HBP1: variants seen among roughly 807,000 people sequenced by gnomAD.
The protein encoded by HBP1 is HMG-box transcription factor 1, also known as HMG box-containing protein 1.
Under a neutral mutation model 62.6 loss-of-function variants are expected in HBP1, and 20 were observed. The ratio of observed to expected loss-of-function variants is 0.32; its 90% CI spans 0.22 to 0.46. The LOEUF (loss-of-function observed/expected upper bound fraction) is 0.46. Ranked by LOEUF, HBP1 falls within the 20% of genes least tolerant of loss-of-function variation. The pLI, the probability that HBP1 is intolerant of heterozygous loss-of-function variation, is 1.00. For synonymous variants in HBP1, 232 were observed against 206.2 expected (o/e 1.12, Z -1.07); for missense variants, 480 against 611.8 (o/e 0.78, Z 2.27).
In HBP1 at chr7:107,201,732, G is replaced by GA; in HGVS notation, c.*304dup. On this transcript the variant is annotated 3_prime_UTR_variant, in exon 11 of 11. Coordinates refer to ENST00000222574, the MANE Select transcript of HBP1 (RefSeq NM_012257.4). ...TATCCTGTGGTGCTAAAGTACAGTA[G>GA]AAAGAGAGGAGAAGTGTATACATGT... The GA allele has an allele frequency of 3.2e-6, 1 of 310,100 alleles. No homozygotes were observed. Among genetic ancestry groups the GA allele is most frequent in the South Asian group, 9.8e-5 (1 of 10,186 alleles). The allele number at this position is 310,100 out of a possible 1,614,324, so 19.2% of individuals were successfully genotyped here. A position where few individuals can be genotyped will look rare whatever the true frequency, so the allele number is the denominator to read the frequency against.
Position 107,195,813 on chromosome 7 carries a change from TTA to T in HBP1, c.1068-19_1068-18del, listed in dbSNP as rs774082598. The T allele has an allele frequency of 9.8e-6, 11 of 1,118,910 alleles. No homozygotes were observed. In the African/African-American group the frequency reaches 1.3e-4, roughly 13 times the overall value. 69.3% of individuals were successfully genotyped at this position (1,118,910 alleles called of 1,614,324 possible). On this transcript the variant is annotated intron_variant, in intron 8 of 10. Coordinates refer to ENST00000222574, the MANE Select transcript of HBP1 (RefSeq NM_012257.4). ...AATTCAAAATTGAATTAAAATATTA[TTA>T]TTTTTTTTAATTTTATAGCTATGAC... is the stretch of plus-strand genomic sequence containing the variant.
intron 6 of HBP1, among the ~76,000 whole-genome samples, chr7:107,187,247 G>A (rs542370931): frequency 1.2e-3 from 176 of 148,678 alleles, no homozygotes; most frequent in Non-Finnish European, 1.7e-3. Context: ...GTGAGACTCT[G>A]TCTCAAAAAA....
At chr7:107,199,370 C>A (rs886169840) in intron 9 of HBP1, among the ~76,000 whole-genome samples, 1 of 152,202 alleles carries the variant, frequency 6.6e-6, no homozygotes, top group African/African-American at 2.4e-5. Context: ...GCATGAGTCA[C>A]AACGTCCAGC....
At chr7:107,172,322 A>G (rs1328032182) in intron 1 of HBP1, among the ~76,000 whole-genome samples, 2 of 152,206 alleles carry the variant, frequency 1.3e-5, no homozygotes, top group Non-Finnish European at 2.9e-5. Flanking sequence ...CTGATAAATT[A>G]TAGAATGAAG....
chr7:107,169,619 G>T (rs949888222), intron 1 of HBP1: 17 of 412,722 alleles, frequency 4.1e-5, no homozygotes, highest in Non-Finnish European at 4.9e-5. Flanking sequence ...GGCCGGAGGT[G>T]GGGGACCCCA....
chr7:107,201,633 T>C lies in HBP1; in HGVS notation c.*202T>C. On this transcript the variant is annotated 3_prime_UTR_variant, in exon 11 of 11. Coordinates refer to ENST00000222574, the MANE Select transcript of HBP1 (RefSeq NM_012257.4). ...AGCATTAAGCTAAAACTATCAACAT[T>C]TTAAACCAAATTGCCTTATTTTTCT... is the stretch of plus-strand genomic sequence containing the variant. 2.3e-6 allele frequency: 1 copy of C among 430,256 alleles called. No homozygotes were observed. The highest frequency in any genetic ancestry group is 4.2e-6 in the Non-Finnish European group (1 of 238,484). 26.7% of individuals were successfully genotyped at this position (430,256 alleles called of 1,614,324 possible).
chr7:107,192,348 G>C (rs1396265096), intron 8 of HBP1, among the ~76,000 whole-genome samples: 1 of 151,928 alleles, frequency 6.6e-6, no homozygotes, highest in East Asian at 1.9e-4. Context: ...AAGGATAGCA[G>C]TCATTTCTGC....
intron 1 of HBP1, among the ~76,000 whole-genome samples, chr7:107,177,922 A>G (rs1796935544): frequency 6.6e-6 from 1 of 152,178 alleles, no homozygotes. Context: ...TTTCAAAACC[A>G]AAAAGATCAT....
chr7:107,189,581 A>G, intron 7 of HBP1, 133 bp downstream of exon 7: 1 of 639,628 alleles, frequency 1.6e-6, no homozygotes, highest in Non-Finnish European at 2.7e-6. Context: ...AAAAACTACC[A>G]TAGGGAATGC....
intron 4 of HBP1, 125 bp from the exon 5 acceptor site, chr7:107,186,236 C>T: frequency 2.0e-6 from 1 of 501,208 alleles, no homozygotes; most frequent in Non-Finnish European, 3.5e-6. Flanking sequence ...ATTATATTTT[C>T]CCTAAGGTTA....
chr7:107,171,266 T>G (rs186611575), intron 1 of HBP1, among the ~76,000 whole-genome samples: 62 of 151,162 alleles, frequency 4.1e-4, no homozygotes, highest in Non-Finnish European at 8.1e-4. Flanking sequence ...GAAACGGGGT[T>G]TCACCATTTT....
At chr7:107,195,086 T>G (rs2115972058) in intron 8 of HBP1, among the ~76,000 whole-genome samples, 1 of 152,338 alleles carries the variant, frequency 6.6e-6, no homozygotes, top group Non-Finnish European at 1.5e-5. Context: ...TGTTGCCCAG[T>G]TGGAGTGCAG....
At chr7:107,184,611 C>T (rs888226783) in intron 3 of HBP1, among the ~76,000 whole-genome samples, 4 of 152,098 alleles carry the variant, frequency 2.6e-5, no homozygotes, top group Non-Finnish European at 2.9e-5. Context: ...TCCGGGTTCA[C>T]GCCATTCTCC....
chr7:107,170,566 T>C (rs1796505342), intron 1 of HBP1, among the ~76,000 whole-genome samples: 1 of 152,156 alleles, frequency 6.6e-6, no homozygotes, highest in African/African-American at 2.4e-5. Context: ...ATATTGAGAA[T>C]TAAATCCACT....
rs1797572753 is a variant in HBP1, at chr7:107,190,005, G to A, written c.923-168G>A. The A allele has an allele frequency of 7.9e-6, 4 of 505,394 alleles. No homozygotes were observed. The East Asian group carries it at 1.3e-4, about 16-fold the overall frequency. The allele number at this position is 505,394 out of a possible 1,614,324, so 31.3% of individuals were successfully genotyped here. On this transcript the variant is annotated intron_variant, in intron 7 of 10. Transcript: ENST00000222574. ...TGGAGGGCTTTTACATTGCTGAAAG[G>A]AAATACTTATCTAGTACTTTATTGT...
Position 107,201,185 on chromosome 7 carries a change from G to T in HBP1, c.1528-229G>T, listed in dbSNP as rs542697175. ...GTTAATTTAGAATTTCATGTGTTCG[G>T]ACTTTTCCTGTATCCCTTTTCTGTT... On this transcript the variant is annotated intron_variant, in intron 10 of 10. Coordinates refer to ENST00000222574, the MANE Select transcript of HBP1 (RefSeq NM_012257.4). The T allele has an allele frequency of 7.7e-5, 30 of 391,284 alleles. No individual in the cohort carries two copies. The South Asian group carries it at 2.0e-3, about 27-fold the overall frequency. 24.2% of individuals were successfully genotyped at this position (391,284 alleles called of 1,614,324 possible).
At position 107,186,631 on chromosome 7, in the gene HBP1, A is replaced by G. The variant is rs767868646; in HGVS notation, c.715A>G (p.Arg239Gly). 1.3e-5 allele frequency: 21 copies of G among 1,613,402 alleles called. No homozygotes were observed. In the East Asian group the frequency reaches 2.5e-4, roughly 19 times the overall value. The change falls in exon 6 of 11, where the codon AGA becomes GGA. Residue 239 changes from arginine (R) to glycine (G), a missense_variant. Transcript: ENST00000222574. ...ATGGCAAGATGTTGAAGATTTTGCT[A>G]GAGCTGAAGGCTGTGATAATGAGGA... ...KEWQDVEDFARAEGCDNEEDL... is the reference protein window; with the variant it reads ...KEWQDVEDFAGAEGCDNEEDL...
In HBP1 at chr7:107,171,878, A is replaced by G. The variant is rs1024672107; in HGVS notation, c.-16+2693A>G. On this transcript the variant is annotated intron_variant, in intron 1 of 10. Transcript: ENST00000222574. ...TCCTCTCCAAAAAAAAAAAAAAAAA[A>G]GAGTCAATGCCAGGAATTTTATGTC... Among the ~76,000 whole-genome samples, 7 of 151,214 alleles carry G rather than the reference A, an allele frequency of 4.6e-5. No individual in the cohort carries two copies. The East Asian group carries it at 9.7e-4, about 21-fold the overall frequency.
chr7:107,170,957 A>ATG (rs1354124498), intron 1 of HBP1, among the ~76,000 whole-genome samples: 5 of 145,084 alleles, frequency 3.4e-5, no homozygotes, highest in South Asian at 2.1e-4. Flanking sequence ...ATACATGTAT[A>ATG]TATATAAAAT....
Sources: allele counts gnomAD v4.1 joint callset (sites outside exome capture counted in the v4.1 genomes callset), GRCh38; gene constraint gnomAD v4.1.1; transcripts MANE v1.5; gene names NCBI Gene and HGNC (gene_info 2026-07-23, HGNC 2026-07-21).